Variants in PCCA observed in about 807,000 individuals in gnomAD.
The protein encoded by PCCA is propionyl-CoA carboxylase alpha chain, mitochondrial.
Under a neutral mutation model 101.3 loss-of-function variants are expected in PCCA, and 74 were observed. That is an observed-to-expected ratio of 0.73 (90% CI 0.61 to 0.89). PCCA has a LOEUF of 0.89. PCCA is among the 40% of genes least tolerant of loss of function. PCCA has a pLI of 0.00. For missense variants in PCCA, 891 were observed against 907.0 expected, an observed-to-expected ratio of 0.98 and a Z score of 0.23; for synonymous variants, 294 against 313.6, an observed-to-expected ratio of 0.94 and a Z score of 0.66.
intron 22 of PCCA, among the ~76,000 whole-genome samples, chr13:100,518,954 T>A (rs917808379): frequency 1.3e-5 from 2 of 152,232 alleles, no homozygotes; most frequent in African/African-American, 4.8e-5. Flanking sequence ...TTTTTCCACA[T>A]GTCAAATTAG....
intron 21 of PCCA, among the ~76,000 whole-genome samples, chr13:100,502,077 C>T (rs1011777411): frequency 4.6e-5 from 7 of 152,228 alleles, no homozygotes; most frequent in Admixed American, 4.6e-4. Flanking sequence ...ATCAAAGAAC[C>T]ACTGACTATA....
At chr13:100,121,119 ATTAG>A (rs1193165812) in intron 4 of PCCA, among the ~76,000 whole-genome samples, 1 of 109,722 alleles carries the variant, frequency 9.1e-6, no homozygotes, top group Non-Finnish European at 2.0e-5. Flanking sequence ...GAACTCTTTT[ATTAG>A]TTCTAATAGT....
intron 20 of PCCA, among the ~76,000 whole-genome samples, chr13:100,435,098 A>C (rs1343236550): frequency 1.3e-5 from 2 of 152,158 alleles, no homozygotes; most frequent in African/African-American, 4.8e-5. Context: ...ATAAAGAAAA[A>C]CCTGAGACTG....
Position 100,420,100 on chromosome 13 carries a change from T to G in PCCA, c.1747-5533T>G, listed in dbSNP as rs139613330. Among the ~76,000 whole-genome samples the G allele has an allele frequency of 7.9e-5, 12 of 152,338 alleles. 1 individual carries two copies. In the South Asian group the frequency reaches 8.3e-4, roughly 11 times the overall value. On this transcript the variant is annotated intron_variant, in intron 19 of 23. Transcript: ENST00000376285. ...CAGATTTTACTTGTGCCTCAGGATA[T>G]TATGTCATTTATCACTTCACTTTTG... is the stretch of plus-strand genomic sequence containing the variant.
At chr13:100,259,287 A>C (rs2062288796) in intron 9 of PCCA, among the ~76,000 whole-genome samples, 1 of 149,828 alleles carries the variant, frequency 6.7e-6, no homozygotes. Context: ...CTTGTCTTGG[A>C]ATCTGTAGGA....
chr13:100,294,370 A>G (rs1328027189), intron 12 of PCCA, among the ~76,000 whole-genome samples: 1 of 152,146 alleles, frequency 6.6e-6, no homozygotes, highest in East Asian at 1.9e-4. Flanking sequence ...TGGTTTCCTT[A>G]TCATTTCTTC....
chr13:100,089,935 C>CT (rs2152195087), intron 1 of PCCA, among the ~76,000 whole-genome samples: 1 of 152,208 alleles, frequency 6.6e-6, no homozygotes, highest in Non-Finnish European at 1.5e-5. Context: ...CTTGTGTGTG[C>CT]TTCTGAGCTC....
chr13:100,210,850 A>G (rs2059168767), intron 7 of PCCA, among the ~76,000 whole-genome samples: 1 of 152,204 alleles, frequency 6.6e-6, no homozygotes, highest in East Asian at 1.9e-4. Context: ...CCTAGTTAAT[A>G]AATATCCTCA....
At chr13:100,147,232 A>G (rs1028006926) in intron 4 of PCCA, among the ~76,000 whole-genome samples, 1 of 152,208 alleles carries the variant, frequency 6.6e-6, no homozygotes, top group African/African-American at 2.4e-5. Flanking sequence ...GGCAGGGAAT[A>G]ATGGTTATCT....
intron 18 of PCCA, among the ~76,000 whole-genome samples, chr13:100,349,939 C>T (rs942447627): frequency 2.6e-5 from 4 of 152,100 alleles, no homozygotes; most frequent in Admixed American, 2.6e-4. Flanking sequence ...AATGGAGAAT[C>T]GATTTTTTAG....
Position 100,137,598 on chromosome 13 carries a change from C to A in PCCA, c.301-17381C>A, listed in dbSNP as rs567404772. On this transcript the variant is annotated intron_variant, in intron 4 of 23. Coordinates refer to ENST00000376285, the MANE Select transcript of PCCA (RefSeq NM_000282.4). ...CTATTAGGTAATGTTCTTCTCTATCCCTTGTAAATTTCTTTGCTCTGAAGC... is the reference window on the plus strand; with the variant it reads ...CTATTAGGTAATGTTCTTCTCTATCACTTGTAAATTTCTTTGCTCTGAAGC... Among the ~76,000 whole-genome samples, 7 of 152,156 alleles carry A rather than the reference C, an allele frequency of 4.6e-5. No individual in the cohort carries two copies. In the East Asian group the frequency reaches 1.4e-3, roughly 29 times the overall value.
intron 20 of PCCA, among the ~76,000 whole-genome samples, chr13:100,438,799 G>T (rs137859829): frequency 1.3e-5 from 2 of 151,818 alleles, no homozygotes; most frequent in African/African-American, 4.8e-5. Flanking sequence ...GGCTCCCTCC[G>T]CATTTGGGGG....
At chr13:100,276,527 C>T (rs540891370) in intron 12 of PCCA, among the ~76,000 whole-genome samples, 5 of 152,226 alleles carry the variant, frequency 3.3e-5, no homozygotes, top group African/African-American at 9.6e-5. Flanking sequence ...GGAACAATCT[C>T]ACATACACAG....
At chr13:100,273,081 A>G in intron 11 of PCCA, 115 bp from the exon 12 acceptor site, 1 of 718,236 alleles carries the variant, frequency 1.4e-6, no homozygotes, top group South Asian at 1.7e-5. Flanking sequence ...GAATTCTTAA[A>G]TTGGTATAGA....
chr13:100,176,870 G>C (rs1205613184), intron 6 of PCCA, among the ~76,000 whole-genome samples: 1 of 152,164 alleles, frequency 6.6e-6, no homozygotes, highest in East Asian at 1.9e-4. Flanking sequence ...GTAATGTTCT[G>C]ATTAGTGTTT....
At chr13:100,222,106 A>G (rs1353122692) in intron 7 of PCCA, among the ~76,000 whole-genome samples, 1 of 150,282 alleles carries the variant, frequency 6.7e-6, no homozygotes, top group South Asian at 2.1e-4. Context: ...CAGTGGCACA[A>G]TCTGGACTCA....
intron 4 of PCCA, among the ~76,000 whole-genome samples, chr13:100,113,985 A>G (rs1026787455): frequency 2.0e-5 from 3 of 152,184 alleles, no homozygotes; most frequent in African/African-American, 7.2e-5. Flanking sequence ...TTCTGTTTTT[A>G]AAGTTTTTTA....
chr13:100,283,435 C>G (rs188661723), intron 12 of PCCA, among the ~76,000 whole-genome samples: 3 of 152,128 alleles, frequency 2.0e-5, no homozygotes, highest in Non-Finnish European at 2.9e-5. Flanking sequence ...CAATGATGTC[C>G]GCCATAACTC....
chr13:100,203,569 C>A (rs891341190), intron 6 of PCCA, among the ~76,000 whole-genome samples: 2 of 152,020 alleles, frequency 1.3e-5, no homozygotes, highest in Non-Finnish European at 1.5e-5. Flanking sequence ...TGGGGGGTGC[C>A]TGTAGTCCCA....
Sources: gnomAD v4.1 joint callset for allele counts (sites outside exome capture counted in the v4.1 genomes callset) on GRCh38, gnomAD v4.1.1 for gene constraint, MANE v1.5 for transcripts, NCBI Gene and HGNC (gene_info 2026-07-23, HGNC 2026-07-21) for gene names.